Variants in CADM2 observed in about 807,000 individuals in gnomAD.
CADM2 encodes the protein cell adhesion molecule 2.
A neutral mutation model predicts 49.8 loss-of-function variants in CADM2; 12 were observed. The ratio of observed to expected loss-of-function variants is 0.24; its 90% confidence interval spans 0.15 to 0.39. CADM2 has a LOEUF of 0.39. Ranked by LOEUF, CADM2 falls within the 10% of genes least tolerant of loss-of-function variation. The pLI is 1.00. For synonymous variants in CADM2, 214 were observed against 175.4 expected, an observed-to-expected ratio of 1.22 and a Z score of -1.74; for missense variants, 378 against 492.3, an observed-to-expected ratio of 0.77 and a Z score of 2.20.
intron 5 of CADM2, among the ~76,000 whole-genome samples, chr3:85,905,504 A>G (rs925147158): frequency 6.6e-6 from 1 of 152,170 alleles, no homozygotes; most frequent in African/African-American, 2.4e-5. Context: ...TTAATTAATT[A>G]AAAACATACT....
At chr3:85,820,831 C>A (rs902763074) in intron 3 of CADM2, among the ~76,000 whole-genome samples, 3 of 152,068 alleles carry the variant, frequency 2.0e-5, no homozygotes, top group Non-Finnish European at 4.4e-5. Context: ...GGACTGAGTT[C>A]TAGGATCCAT....
At chr3:85,230,756 A>G (rs2042267432) in intron 1 of CADM2, among the ~76,000 whole-genome samples, 1 of 152,168 alleles carries the variant, frequency 6.6e-6, no homozygotes, top group Non-Finnish European at 1.5e-5. Flanking sequence ...AAAATATCCT[A>G]AGTACAAGAA....
At chr3:85,526,448 T>A (rs1022516781) in intron 1 of CADM2, among the ~76,000 whole-genome samples, 1 of 152,138 alleles carries the variant, frequency 6.6e-6, no homozygotes, top group African/African-American at 2.4e-5. Context: ...CTAGGAATTA[T>A]GGAAGTAGGT....
At chr3:85,073,245 T>C (rs995529308) in intron 1 of CADM2, among the ~76,000 whole-genome samples, 1 of 152,096 alleles carries the variant, frequency 6.6e-6, no homozygotes, top group African/African-American at 2.4e-5. Context: ...GTTGTGCAGT[T>C]TAAGGTGAGT....
intron 8 of CADM2, among the ~76,000 whole-genome samples, chr3:86,010,788 G>A (rs1227419398): frequency 6.6e-6 from 1 of 151,474 alleles, no homozygotes; most frequent in Non-Finnish European, 1.5e-5. Context: ...AGAATCACTA[G>A]TTAATCCAAC....
At chr3:85,124,348 A>T (rs1407675123) in intron 1 of CADM2, among the ~76,000 whole-genome samples, 1 of 152,190 alleles carries the variant, frequency 6.6e-6, no homozygotes, top group African/African-American at 2.4e-5. Context: ...TCATGACTAT[A>T]ATCTCAGCAT....
intron 1 of CADM2, among the ~76,000 whole-genome samples, chr3:85,296,047 G>T (rs34584686): frequency 0.058 from 8,793 of 151,902 alleles, 447 homozygotes; most frequent in East Asian, 0.17. Flanking sequence ...ATGAAATCTT[G>T]TATAAATAAT....
At chr3:85,209,183 A>C (rs2041719262) in intron 1 of CADM2, among the ~76,000 whole-genome samples, 1 of 152,092 alleles carries the variant, frequency 6.6e-6, no homozygotes, top group Admixed American at 6.5e-5. Context: ...ATGATTTCTT[A>C]TTCTTCAAAA....
At chr3:86,055,481 G>GTTTTTTT (rs1440467932) in intron 8 of CADM2, among the ~76,000 whole-genome samples, 18 of 121,046 alleles carry the variant, frequency 1.5e-4, no homozygotes, top group East Asian at 7.8e-4. Context: ...TTTTTTTTTG[G>GTTTTTTT]TTTTAGAGGG....
intron 5 of CADM2, among the ~76,000 whole-genome samples, chr3:85,904,723 C>T (rs1716558771): frequency 1.3e-5 from 2 of 151,998 alleles, no homozygotes; most frequent in African/African-American, 4.8e-5. Flanking sequence ...AGGAGTTGCC[C>T]CCAATTTCTT....
intron 1 of CADM2, among the ~76,000 whole-genome samples, chr3:85,675,347 C>G (rs2065859749): frequency 6.6e-6 from 1 of 152,008 alleles, no homozygotes; most frequent in South Asian, 2.1e-4. Context: ...AATATTAAAC[C>G]TCTTTCAGCC....
chr3:85,504,754 G>C (rs1200679669), intron 1 of CADM2, among the ~76,000 whole-genome samples: 1 of 152,194 alleles, frequency 6.6e-6, no homozygotes, highest in East Asian at 1.9e-4. Flanking sequence ...GGCTCGGGCC[G>C]CACAGGAGCC....
intron 8 of CADM2, among the ~76,000 whole-genome samples, chr3:85,984,437 G>A (rs1342930367): frequency 1.3e-5 from 2 of 151,374 alleles, no homozygotes; most frequent in African/African-American, 4.8e-5. Context: ...TATAGATGAT[G>A]TTAACTTATT....
intron 5 of CADM2, among the ~76,000 whole-genome samples, chr3:85,887,697 T>A (rs1446579381): frequency 6.6e-6 from 1 of 152,154 alleles, no homozygotes; most frequent in Non-Finnish European, 1.5e-5. Flanking sequence ...TTATGCTAAA[T>A]TAAATTTCAG....
chr3:86,039,008 C>T (rs2107217452), intron 8 of CADM2, among the ~76,000 whole-genome samples: 1 of 152,288 alleles, frequency 6.6e-6, no homozygotes, highest in Middle Eastern at 3.4e-3. Context: ...TCTTTGCTCT[C>T]CTCTCTATAT....
chr3:85,248,296 A>G lies in CADM2; in HGVS notation c.61+288628A>G, dbSNP rs544288192. Reference sequence around the variant, plus strand: ...TTATTTTTTTTTAACTTTTTTTGAGACAGAGTCTCGCTCGGTCGCCCAAGC... The same window carrying G: ...TTATTTTTTTTTAACTTTTTTTGAGGCAGAGTCTCGCTCGGTCGCCCAAGC... On this transcript the variant is annotated intron_variant, in intron 1 of 9. Coordinates refer to ENST00000383699, the MANE Select transcript of CADM2 (RefSeq NM_001167675.2). 2.6e-5 allele frequency among the ~76,000 whole-genome samples: 4 copies of G among 151,804 alleles called. No individual in the cohort carries two copies. The South Asian group carries it at 8.3e-4, about 32-fold the overall frequency.
At chr3:86,001,849 G>A (rs1157163405) in intron 8 of CADM2, among the ~76,000 whole-genome samples, 2 of 152,074 alleles carry the variant, frequency 1.3e-5, no homozygotes, top group Admixed American at 1.3e-4. Flanking sequence ...CTGGAGCTAT[G>A]AATTTGGAAG....
chr3:85,118,563 G>C (rs2038731266), intron 1 of CADM2, among the ~76,000 whole-genome samples: 1 of 151,994 alleles, frequency 6.6e-6, no homozygotes, highest in Non-Finnish European at 1.5e-5. Flanking sequence ...ACTATCACGA[G>C]AGCAACATGG....
At position 85,427,193 on chromosome 3, in the gene CADM2, TA is replaced by T. The variant is rs2036451974; in HGVS notation, c.62-299328del. Among the ~76,000 whole-genome samples, 19 of 135,274 alleles carry T rather than the reference TA, an allele frequency of 1.4e-4. No homozygotes were observed. The South Asian group carries it at 4.1e-3, about 29-fold the overall frequency. The allele number at this position is 135,274 out of a possible 152,430, so 88.7% of individuals were successfully genotyped here. ...ATATATATATATATATATATATATA[TA>T]TATATATGTATAATAAGTTTGTAGC... On this transcript the variant is annotated intron_variant, in intron 1 of 9. Transcript: ENST00000383699.
Sources: gnomAD v4.1 joint callset for allele counts (sites outside exome capture counted in the v4.1 genomes callset) on GRCh38, gnomAD v4.1.1 for gene constraint, MANE v1.5 for transcripts, NCBI Gene and HGNC (gene_info 2026-07-23, HGNC 2026-07-21) for gene names.